Variants in INSC observed in about 807,000 individuals in gnomAD.
INSC encodes INSC spindle orientation adaptor protein, also known as protein inscuteable homolog.
INSC carries 67 observed loss-of-function variants against 58.6 expected under a neutral mutation model. The ratio of observed to expected loss-of-function variants is 1.14; its 90% CI spans 0.94 to 1.40. INSC has a LOEUF of 1.40. INSC is among the 40% of genes most tolerant of loss of function. The probability of loss-of-function intolerance (pLI) is 0.00; values close to 1 mark genes in which losing one functional copy is unlikely to be tolerated. For synonymous variants in INSC, 262 were observed against 276.1 expected (o/e 0.95, Z 0.51); for missense variants, 714 against 692.0 (o/e 1.03, Z -0.36).
At chr11:15,153,704 G>A (rs1848721833) in intron 2 of INSC, among the ~76,000 whole-genome samples, 1 of 152,180 alleles carries the variant, frequency 6.6e-6, no homozygotes, top group African/African-American at 2.4e-5. Context: ...AGAGAGGCTG[G>A]ATTTATACTT....
Position 15,176,191 on chromosome 11 carries a change from C to T in INSC, c.402+105C>T, listed in dbSNP as rs1262894479. 3.4e-6 allele frequency: 3 copies of T among 877,384 alleles called. No individual in the cohort carries two copies. In the African/African-American group the frequency reaches 5.1e-5, roughly 15 times the overall value. 54.3% of individuals were successfully genotyped at this position (877,384 alleles called of 1,614,324 possible). ...GTCTGAATCTTTTTTGCTCCAGAAGCCTTTCTCCCCTTCCAGTAAAGGAGG... is the reference window on the plus strand; with the variant it reads ...GTCTGAATCTTTTTTGCTCCAGAAGTCTTTCTCCCCTTCCAGTAAAGGAGG... On this transcript the variant is annotated intron_variant, in intron 3 of 12. Coordinates refer to ENST00000379556, the MANE Select transcript of INSC (RefSeq NM_001042536.3).
chr11:15,236,526 A>C (rs545227322), intron 10 of INSC, among the ~76,000 whole-genome samples: 2 of 152,324 alleles, frequency 1.3e-5, no homozygotes, highest in Admixed American at 1.3e-4. Context: ...CTCTTCTCCC[A>C]CTTGCTCCCT....
intron 1 of INSC, among the ~76,000 whole-genome samples, chr11:15,137,103 G>A (rs1373819831): frequency 6.6e-6 from 1 of 152,128 alleles, no homozygotes; most frequent in East Asian, 1.9e-4. Flanking sequence ...ACAACCAGGT[G>A]TATCATCAAT....
intron 1 of INSC, among the ~76,000 whole-genome samples, chr11:15,120,299 C>G (rs1257948352): frequency 6.6e-6 from 1 of 152,114 alleles, no homozygotes; most frequent in East Asian, 1.9e-4. Flanking sequence ...GTAGGAATAT[C>G]CCGGGCTTCA....
At chr11:15,259,438 G>C in the INSC span, among the ~76,000 whole-genome samples, 2 of 152,210 alleles carry the variant, frequency 1.3e-5, no homozygotes, top group Admixed American at 1.3e-4. Context: ...CTCCCAAAAA[G>C]GAACTATTAT....
intron 1 of INSC, among the ~76,000 whole-genome samples, chr11:15,120,745 T>C (rs757598123): frequency 6.6e-6 from 1 of 152,190 alleles, no homozygotes; most frequent in Admixed American, 6.5e-5. Flanking sequence ...CACTGAGGTA[T>C]TTTAAGAAGG....
At chr11:15,162,956 C>T (rs1236159823) in intron 2 of INSC, among the ~76,000 whole-genome samples, 1 of 152,180 alleles carries the variant, frequency 6.6e-6, no homozygotes, top group African/African-American at 2.4e-5. Context: ...ATCCATTCAG[C>T]TGCTCAAGTA....
At chr11:15,180,028 G>A (rs200826116) in intron 5 of INSC, among the ~76,000 whole-genome samples, 4 of 152,154 alleles carry the variant, frequency 2.6e-5, no homozygotes, top group African/African-American at 7.2e-5. Flanking sequence ...AGGCCAAGGC[G>A]GGCAGATCAC....
chr11:15,261,412 C>A, the INSC span, among the ~76,000 whole-genome samples: 1 of 152,146 alleles, frequency 6.6e-6, no homozygotes, highest in African/African-American at 2.4e-5. Flanking sequence ...TGCTTAAATT[C>A]TAATCTTTAA....
intron 6 of INSC, among the ~76,000 whole-genome samples, chr11:15,198,260 C>G (rs1463429232): frequency 1.3e-5 from 2 of 152,160 alleles, no homozygotes; most frequent in Non-Finnish European, 2.9e-5. Context: ...GCTATTGTAG[C>G]CCATTTTTAG....
At chr11:15,181,375 A>T (rs1849771801) in intron 5 of INSC, among the ~76,000 whole-genome samples, 1 of 152,226 alleles carries the variant, frequency 6.6e-6, no homozygotes, top group South Asian at 2.1e-4. Flanking sequence ...TTTAGCACTA[A>T]GAAGTCGTGT....
chr11:15,129,465 T>G (rs2133701692), intron 1 of INSC, among the ~76,000 whole-genome samples: 1 of 152,342 alleles, frequency 6.6e-6, no homozygotes, highest in African/African-American at 2.4e-5. Flanking sequence ...AATATTTAGA[T>G]CCGTTTATGG....
downstream of INSC, among the ~76,000 whole-genome samples, chr11:15,250,500 ATAG>A (rs1328946702): frequency 2.6e-5 from 4 of 152,178 alleles, no homozygotes; most frequent in Non-Finnish European, 5.9e-5. Flanking sequence ...GGCCCCCTTG[ATAG>A]TATCCCTTCT....
rs563121689 is a variant in INSC at position 15,169,537 on chromosome 11, G to GTTTC, written c.57-6201_57-6200insCTTT. Among the ~76,000 whole-genome samples, 985 of 135,320 alleles carry GTTTC rather than the reference G, an allele frequency of 7.3e-3. 12 individuals carry two copies. Among genetic ancestry groups the GTTTC allele is most frequent in the African/African-American group, 0.026 (949 of 35,826 alleles). 88.8% of individuals were successfully genotyped at this position (135,320 alleles called of 152,430 possible). A position where few individuals can be genotyped will look rare whatever the true frequency, so the allele number is the denominator to read the frequency against. On this transcript the variant is annotated intron_variant, in intron 2 of 12. Coordinates refer to ENST00000379556, the MANE Select transcript of INSC (RefSeq NM_001042536.3). ...ACAGTTTTTGTTGTTGTTGTTGTTTGTTTGTTTGTTTGTTTGTTTTTTTAG... is the reference window on the plus strand; with the variant it reads ...ACAGTTTTTGTTGTTGTTGTTGTTTGTTTCTTTGTTTGTTTGTTTGTTTTTTTAG...
At chr11:15,186,811 G>A (rs1849984659) in intron 5 of INSC, among the ~76,000 whole-genome samples, 1 of 151,912 alleles carries the variant, frequency 6.6e-6, no homozygotes, top group South Asian at 2.1e-4. Context: ...GTAATCTTTC[G>A]AATAGTTCAT....
intron 7 of INSC, among the ~76,000 whole-genome samples, chr11:15,219,149 G>C (rs1851339677): frequency 6.6e-6 from 1 of 152,130 alleles, no homozygotes; most frequent in Non-Finnish European, 1.5e-5. Context: ...AGCCTCTCTG[G>C]CAATTCTGGT....
At chr11:15,116,631 A>G (rs1426835296) in intron 1 of INSC, among the ~76,000 whole-genome samples, 4 of 152,094 alleles carry the variant, frequency 2.6e-5, no homozygotes, top group Non-Finnish European at 5.9e-5. Context: ...TCTCTTCTGA[A>G]TACTTCAGTG....
chr11:15,229,978 ATTAT>A (rs1564917259), intron 9 of INSC, among the ~76,000 whole-genome samples: 1 of 25,210 alleles, frequency 4.0e-5, no homozygotes, highest in Non-Finnish European at 6.6e-5. Flanking sequence ...ATATATATAT[ATTAT>A]ATATATATAT....
the INSC span, among the ~76,000 whole-genome samples, chr11:15,266,988 C>T: frequency 2.0e-5 from 3 of 151,864 alleles, no homozygotes; most frequent in East Asian, 1.9e-4. Context: ...TGTGTAAATT[C>T]GGATTTCTAT....
Sources: gnomAD v4.1 joint callset for allele counts (sites outside exome capture counted in the v4.1 genomes callset) on GRCh38, gnomAD v4.1.1 for gene constraint, MANE v1.5 for transcripts, NCBI Gene and HGNC (gene_info 2026-07-23, HGNC 2026-07-21) for gene names.